The following CAPN10 variants were observed in gnomAD, a reference collection of about 807,000 sequenced individuals.
CAPN10 encodes the protein calpain-10.
Under a neutral mutation model 78.4 loss-of-function variants are expected in CAPN10, and 71 were observed. The ratio of observed to expected loss-of-function variants is 0.91; its 90% confidence interval spans 0.75 to 1.10. The LOEUF is 1.10. Among genes scored for constraint, CAPN10 ranks in the 50% least tolerant of loss-of-function variants. The pLI, the probability that CAPN10 is intolerant of heterozygous loss-of-function variation, is 0.00. For synonymous variants in CAPN10, 437 were observed against 407.2 expected, an observed-to-expected ratio of 1.07 and a Z score of -0.88; for missense variants, 849 against 924.6, an observed-to-expected ratio of 0.92 and a Z score of 1.06.
chr2:240,596,391 T>C lies in CAPN10; in HGVS notation c.1351T>C (p.Tyr451His), dbSNP rs1351631279. ...CGTGGCTGGCACCGCGTGCCATGCA[T>C]ACGACCGGGAGGTCCACCTGCGTTG... is the stretch of plus-strand genomic sequence containing the variant. The part of the protein sequence containing the change: ...PPVAGTACHA[Y>H]DREVHLRCEL... The change falls in exon 8 of 12, where the codon TAC becomes CAC. Residue 451 changes from tyrosine (Y) to histidine (H), a missense_variant. Coordinates refer to ENST00000391984, the MANE Select transcript of CAPN10 (RefSeq NM_023083.4). 1 of 1,613,250 alleles carries C rather than the reference T, an allele frequency of 6.2e-7. No homozygotes were observed. The highest frequency in any genetic ancestry group is 1.3e-5 in the African/African-American group (1 of 74,924).
In CAPN10 at chr2:240,596,813, C is replaced by A. The variant is rs751806987; in HGVS notation, c.1614C>A (p.Tyr538Ter). 8.1e-6 allele frequency: 13 copies of A among 1,613,164 alleles called. No homozygotes were observed. Among genetic ancestry groups the A allele is most frequent in the Non-Finnish European group, 1.0e-5 (12 of 1,179,984 alleles). Residue 538 changes from tyrosine to a stop codon, truncating the protein, a stop_gained, in exon 9 of 12, where the codon TAC (tyrosine) becomes TAA (stop). Transcript: ENST00000391984. LOFTEE classifies it high-confidence loss of function. ...TAGGSRNFAS[Y>*]PTNPCFPFSV... is the part of the protein sequence containing the mutation. ...GGGGCAGCAGGAACTTTGCCTCATA[C>A]CCCACCAACCCCTGCTTCCCCTTCT...
chr2:240,596,954 G>A lies in CAPN10; in HGVS notation c.1743+12G>A. 2 of 1,613,382 alleles carry A rather than the reference G, an allele frequency of 1.2e-6. No individual in the cohort carries two copies. The highest frequency in any genetic ancestry group is 1.7e-6 in the Non-Finnish European group (2 of 1,180,024). On this transcript the variant is annotated intron_variant, in intron 9 of 11. Transcript: ENST00000391984. ...TCCATATCTTCCAGGCAAGCTCCTTGCCCCAGGGAGGGAGGGGGAGCAGAA... is the reference window on the plus strand; with the variant it reads ...TCCATATCTTCCAGGCAAGCTCCTTACCCCAGGGAGGGAGGGGGAGCAGAA...
chr2:240,594,260 T>C (rs1050675504), intron 5 of CAPN10: 26 of 583,596 alleles, frequency 4.5e-5, no homozygotes, highest in African/African-American at 3.5e-4. Flanking sequence ...GGGGTTTCAA[T>C]AGGGCAGACA....
rs61210947 is a variant in CAPN10, at chr2:240,589,705, G to A, written c.273+231G>A. 1.1e-3 allele frequency: 619 copies of A among 565,660 alleles called. 1 individual carries two copies. The highest frequency in any genetic ancestry group is 0.01 in the African/African-American group (547 of 52,938). 35.0% of individuals were successfully genotyped at this position (565,660 alleles called of 1,614,324 possible). A position where few individuals can be genotyped will look rare whatever the true frequency, so the allele number is the denominator to read the frequency against. ...CCAGAAGGCTCCATCAGGGAGGTTC[G>A]CCCTGCTCTGTGCTCTCCTGACCCC... On this transcript the variant is annotated intron_variant, in intron 2 of 11. Coordinates refer to ENST00000391984, the MANE Select transcript of CAPN10 (RefSeq NM_023083.4).
chr2:240,594,142 CTTGG>C, intron 5 of CAPN10, 95 bp downstream of exon 5: 1 of 1,326,352 alleles, frequency 7.5e-7, no homozygotes, highest in Admixed American at 2.5e-5. Context: ...CAGGACTGTA[CTTGG>C]CTGTCTCCAG....
In CAPN10 at chr2:240,595,035, T is replaced by A. The variant is rs755432883; in HGVS notation, c.1009T>A (p.Cys337Ser). The A allele has an allele frequency of 6.8e-6, 11 of 1,612,918 alleles. No individual in the cohort carries two copies. The East Asian group carries it at 2.2e-4, about 33-fold the overall frequency. The change falls in exon 7 of 12, where the codon TGC becomes AGC. Residue 337 changes from cysteine to serine, a missense_variant. Coordinates refer to ENST00000391984, the MANE Select transcript of CAPN10 (RefSeq NM_023083.4). The stretch of plus-strand genomic sequence containing the variant: ...TGTTTTCTCACTAGAGAGGCTGCTC[T>A]GCCATACGCGGGCGCTGCCTGGGGC... ...LQSLYTERLLCHTRALPGAWV... is the reference protein window; with the variant it reads ...LQSLYTERLLSHTRALPGAWV...
chr2:240,586,806 G>C lies in CAPN10; in HGVS notation c.-106G>C. The C allele has an allele frequency of 8.7e-7, 1 of 1,152,286 alleles. No individual in the cohort carries two copies. Among genetic ancestry groups the C allele is most frequent in the Non-Finnish European group, 1.1e-6 (1 of 897,146 alleles). 71.4% of individuals were successfully genotyped at this position (1,152,286 alleles called of 1,614,324 possible). On this transcript the variant is annotated 5_prime_UTR_variant, in exon 1 of 12. Coordinates refer to ENST00000391984, the MANE Select transcript of CAPN10 (RefSeq NM_023083.4). ...TCGGGCTTGGAGGGCTGGGCCGGGC[G>C]GGGAACGGGCGGGGCGGGCCGGAGG...
In CAPN10 at chr2:240,597,875, G is replaced by A. The variant is rs371813596; in HGVS notation, c.1744-13G>A. ...AGGCTGGCCCCCTCAGTCTGAGCCT[G>A]CGCTTTCCTCAGGTCCCAGAGGGTG... On this transcript the variant is annotated splice_polypyrimidine_tract_variant and intron_variant, in intron 9 of 11. Transcript: ENST00000391984. 4.4e-6 allele frequency: 7 copies of A among 1,578,960 alleles called. No homozygotes were observed. In the African/African-American group the frequency reaches 8.1e-5, roughly 18 times the overall value.
At chr2:240,597,861 C>T in intron 9 of CAPN10, 27 bp from the exon 10 acceptor site, 1 of 1,558,778 alleles carries the variant, frequency 6.4e-7, no homozygotes, top group Non-Finnish European at 8.7e-7. Context: ...GGCTGGCCCC[C>T]TCAGTCTGAG....
At chr2:240,594,988 G>A (rs776899643) in intron 6 of CAPN10, 36 bp from the exon 7 acceptor site, 34 of 1,606,574 alleles carry the variant, frequency 2.1e-5, no homozygotes, top group South Asian at 2.1e-4. Flanking sequence ...GCGAGGAGCC[G>A]TGTCCCACAG....
chr2:240,594,163 C>T (rs971397359), intron 5 of CAPN10, 116 bp downstream of exon 5: 10 of 1,077,342 alleles, frequency 9.3e-6, no homozygotes, highest in African/African-American at 7.9e-5. Context: ...CCAGCAAGGC[C>T]CCTGAGTCCC....
chr2:240,593,957 A>G lies in CAPN10; in HGVS notation c.740A>G (p.Glu247Gly). 6.2e-7 allele frequency: 1 copy of G among 1,608,836 alleles called. No homozygotes were observed. The highest frequency in any genetic ancestry group is 8.5e-7 in the Non-Finnish European group (1 of 1,176,716). ...FHAFIVSDLR[E>G]LQGQAGQCIL... The stretch of plus-strand genomic sequence containing the variant: ...GCCTTCATTGTCTCGGACCTGCGGG[A>G]GCTCCAGGGTCAGGCGGGCCAGTGC... Residue 247 changes from glutamate (E) to glycine (G), a missense_variant, in exon 5 of 12, where the codon GAG (glutamate) becomes GGG (glycine). Transcript: ENST00000391984.
At chr2:240,596,155 G>A in intron 7 of CAPN10, 164 bp from the exon 8 acceptor site, 2 of 1,498,040 alleles carry the variant, frequency 1.3e-6, no homozygotes, top group Non-Finnish European at 1.8e-6. Flanking sequence ...CGGGATTGGT[G>A]GGCATCTCTA....
In CAPN10 at chr2:240,595,209, C is replaced by T. The variant is rs138959181; in HGVS notation, c.1183C>T (p.Arg395Trp). 629 of 1,613,676 alleles carry T rather than the reference C, an allele frequency of 3.9e-4. No individual in the cohort carries two copies. Among genetic ancestry groups the T allele is most frequent in the Admixed American group, 5.3e-4 (32 of 60,018 alleles). ...SRLHAADWAG[R>W]ARALVGDSHT... ...GCTGCACGCGGCGGACTGGGCAGGC[C>T]GGGCCCGGGCACTGGTGGGTGACAG... Residue 395 changes from arginine to tryptophan, a missense_variant, in exon 7 of 12, where the codon CGG becomes TGG. Transcript: ENST00000391984.
At chr2:240,590,550 G>T (rs72999976) in intron 2 of CAPN10, 1 of 430,574 alleles carries the variant, frequency 2.3e-6, no homozygotes, top group Non-Finnish European at 4.2e-6. Flanking sequence ...TGCAGGCGCC[G>T]ACATCCAGGT....
At position 240,596,153 on chromosome 2, in the gene CAPN10, G is replaced by T. The variant is rs1480970920; in HGVS notation, c.1279-166G>T. ...CAGGGCCAAGTGAAGCCCGGGATTGGTGGGCATCTCTAGCTGGTCCCTGAG... is the reference window on the plus strand; with the variant it reads ...CAGGGCCAAGTGAAGCCCGGGATTGTTGGGCATCTCTAGCTGGTCCCTGAG... On this transcript the variant is annotated intron_variant, in intron 7 of 11. Transcript: ENST00000391984. 5 of 1,499,292 alleles carry T rather than the reference G, an allele frequency of 3.3e-6. No homozygotes were observed. The East Asian group carries it at 7.4e-5, about 22-fold the overall frequency. 92.9% of individuals were successfully genotyped at this position (1,499,292 alleles called of 1,614,324 possible). A position where few individuals can be genotyped will look rare whatever the true frequency, so the allele number is the denominator to read the frequency against.
chr2:240,595,000 T>C (rs1298751648), intron 6 of CAPN10, 24 bp from the exon 7 acceptor site: 1 of 1,611,100 alleles, frequency 6.2e-7, no homozygotes, highest in Non-Finnish European at 8.5e-7. Flanking sequence ...GTCCCACAGC[T>C]GATGCCTGGT....
intron 9 of CAPN10, 152 bp downstream of exon 9, chr2:240,597,094 C>A: frequency 1.0e-6 from 1 of 961,702 alleles, no homozygotes; most frequent in Non-Finnish European, 1.5e-6. Context: ...GCACAGGGCC[C>A]TCTCCCATCT....
rs182212766 is a variant in CAPN10, at chr2:240,597,171, G to A, written c.1743+229G>A. 4.5e-4 allele frequency among the ~76,000 whole-genome samples: 68 copies of A among 152,376 alleles called. No individual in the cohort carries two copies. In the East Asian group the frequency reaches 0.012, roughly 27 times the overall value. On this transcript the variant is annotated intron_variant, in intron 9 of 11. Coordinates refer to ENST00000391984, the MANE Select transcript of CAPN10 (RefSeq NM_023083.4). ...GCCGGGGGCCTGGGAGGTGGGCAGG[G>A]CTGATCCAGGCAGGGCAGGTTTCCA...
Sources: gnomAD v4.1 joint callset for allele counts (sites outside exome capture counted in the v4.1 genomes callset) on GRCh38, gnomAD v4.1.1 for gene constraint, MANE v1.5 for transcripts, NCBI Gene and HGNC (gene_info 2026-07-23, HGNC 2026-07-21) for gene names.